Variants in NRDE2 observed in about 807,000 individuals in gnomAD.
NRDE2 encodes the protein NRDE-2, necessary for RNA interference, domain containing, also known as nuclear exosome regulator NRDE2.
NRDE2 carries 76 observed loss-of-function variants against 124.2 expected under a neutral mutation model. That is an observed-to-expected ratio of 0.61 (90% CI 0.51 to 0.74). The LOEUF is 0.74. Among genes scored for constraint, NRDE2 ranks in the 30% least tolerant of loss-of-function variants. NRDE2 has a pLI of 0.00. For synonymous variants in NRDE2, 489 were observed against 528.1 expected (o/e 0.93, Z 1.01); for missense variants, 1,314 against 1,417.3 (o/e 0.93, Z 1.17).
At chr14:90,303,860 G>T in intron 5 of NRDE2, 75 bp downstream of exon 5, 1 of 1,304,134 alleles carries the variant, frequency 7.7e-7, no homozygotes, top group Non-Finnish European at 1.1e-6. Context: ...CTCAAAAATT[G>T]CTGCACAGTC....
intron 4 of NRDE2, among the ~76,000 whole-genome samples, chr14:90,305,313 C>T (rs1303228421): frequency 1.3e-5 from 2 of 152,202 alleles, no homozygotes; most frequent in African/African-American, 2.4e-5. Context: ...GACTCTCATC[C>T]GCTGTCAGCG....
rs546086864 is a variant in NRDE2, at chr14:90,291,130, C to A, written c.1843-523G>T. Reference sequence around the variant, plus strand: ...AAACAGACTCAAGGTAAGAAGGAACCTACAGGAGCAATGGAGCACATTAAA... The same window carrying A: ...AAACAGACTCAAGGTAAGAAGGAACATACAGGAGCAATGGAGCACATTAAA... On this transcript the variant is annotated intron_variant, in intron 9 of 13. Coordinates refer to ENST00000354366, the MANE Select transcript of NRDE2 (RefSeq NM_017970.4). Among the ~76,000 whole-genome samples the A allele has an allele frequency of 1.6e-4, 24 of 152,102 alleles. No individual in the cohort carries two copies. The South Asian group carries it at 2.7e-3, about 17-fold the overall frequency.
rs565403582 is a variant in NRDE2, at chr14:90,270,097, G to A, written c.*8239C>T. 135 of 1,257,450 alleles carry A rather than the reference G, an allele frequency of 1.1e-4. No individual in the cohort carries two copies. The highest frequency in any genetic ancestry group is 5.5e-4 in the South Asian group (31 of 56,158). The allele number at this position is 1,257,450 out of a possible 1,614,324, so 77.9% of individuals were successfully genotyped here. A position where few individuals can be genotyped will look rare whatever the true frequency, so the allele number is the denominator to read the frequency against. On this transcript the variant is annotated 3_prime_UTR_variant, in exon 14 of 14. Coordinates refer to ENST00000354366, the MANE Select transcript of NRDE2 (RefSeq NM_017970.4). ...ACATCCTTCCCACAGAATTCTGTCC[G>A]ACTGAAACTTCGTATGTAAGGAGAT...
intron 3 of NRDE2, 27 bp from the exon 4 acceptor site, chr14:90,312,570 G>T: frequency 6.2e-7 from 1 of 1,611,740 alleles, no homozygotes; most frequent in Non-Finnish European, 8.5e-7. Flanking sequence ...GAAGAAGAAG[G>T]GAGAGGCACT....
At chr14:90,321,409 G>A (rs1885234530) in intron 1 of NRDE2, among the ~76,000 whole-genome samples, 1 of 151,590 alleles carries the variant, frequency 6.6e-6, no homozygotes, top group Admixed American at 6.6e-5. Context: ...GCACTACTGT[G>A]GGGGAAAAAA....
intron 3 of NRDE2, 48 bp from the exon 4 acceptor site, chr14:90,312,591 T>C: frequency 6.2e-7 from 1 of 1,603,760 alleles, no homozygotes; most frequent in Non-Finnish European, 8.5e-7. Context: ...TTAAAAAATC[T>C]TCCAGTGACG....
At chr14:90,278,737 T>G (rs1891870620) in intron 13 of NRDE2, 3 of 539,106 alleles carry the variant, frequency 5.6e-6, no homozygotes, top group Admixed American at 3.1e-5. Context: ...CACTTCTGAG[T>G]GTCACCTGAC....
Position 90,331,784 on chromosome 14 carries a change from C to G in NRDE2, c.64+57G>C, listed in dbSNP as rs147906461. 8.4e-4 allele frequency: 1,320 copies of G among 1,568,814 alleles called. 9 individuals carry two copies. The African/African-American group carries it at 0.015, about 18-fold the overall frequency. ...CAAAGCAAAAGTCTAGACCTGGGCCCGAGAAACAGCCTCTTAAGCCCCCCA... is the reference window on the plus strand; with the variant it reads ...CAAAGCAAAAGTCTAGACCTGGGCCGGAGAAACAGCCTCTTAAGCCCCCCA... On this transcript the variant is annotated intron_variant, in intron 1 of 13. Transcript: ENST00000354366.
chr14:90,300,752 C>G (rs1555360602), intron 7 of NRDE2, among the ~76,000 whole-genome samples: 1 of 139,140 alleles, frequency 7.2e-6, no homozygotes, highest in Non-Finnish European at 1.5e-5. Flanking sequence ...AAGACCCAAA[C>G]TAGAATGTGT....
intron 1 of NRDE2, 28 bp from the exon 2 acceptor site, chr14:90,318,141 A>G: frequency 1.3e-6 from 2 of 1,537,972 alleles, no homozygotes; most frequent in Admixed American, 3.5e-5. Context: ...GAAAAGATCA[A>G]TGAAATTAGT....
In NRDE2 at chr14:90,273,811, C is replaced by T. The variant is rs182168227; in HGVS notation, c.*4525G>A. ...GGCCTTTGCCAGTCTGTGAAGGCCACCCTCCCTCCTGACTCGTGGCACTTC... is the reference window on the plus strand; with the variant it reads ...GGCCTTTGCCAGTCTGTGAAGGCCATCCTCCCTCCTGACTCGTGGCACTTC... On this transcript the variant is annotated 3_prime_UTR_variant, in exon 14 of 14. Transcript: ENST00000354366. 3.6e-4 allele frequency: 56 copies of T among 154,778 alleles called. No homozygotes were observed. The highest frequency in any genetic ancestry group is 1.3e-3 in the African/African-American group (53 of 41,644). 9.6% of individuals were successfully genotyped at this position (154,778 alleles called of 1,614,324 possible). A position where few individuals can be genotyped will look rare whatever the true frequency, so the allele number is the denominator to read the frequency against.
At chr14:90,286,554 A>T in intron 11 of NRDE2, 62 bp from the exon 12 acceptor site, 1 of 1,568,630 alleles carries the variant, frequency 6.4e-7, no homozygotes, top group Non-Finnish European at 8.7e-7. Flanking sequence ...CACAGAAGGA[A>T]GAGATGCCTG....
In NRDE2 at chr14:90,292,683, C is replaced by A. The variant is rs371768667; in HGVS notation, c.1842+14G>T. ...CCCCTGGACAGCTTCCTGCCTGGGG[C>A]GGAGGATACATGCCTGTCTCTCGGG... On this transcript the variant is annotated intron_variant, in intron 9 of 13. Transcript: ENST00000354366. 164 of 1,606,092 alleles carry A rather than the reference C, an allele frequency of 1.0e-4. No homozygotes were observed. Among genetic ancestry groups the A allele is most frequent in the Non-Finnish European group, 1.3e-4 (152 of 1,173,624 alleles).
chr14:90,315,975 A>G (rs1285201807), intron 3 of NRDE2, among the ~76,000 whole-genome samples: 4 of 151,642 alleles, frequency 2.6e-5, no homozygotes, highest in East Asian at 1.9e-4. Flanking sequence ...AAAAAAAAAA[A>G]AAAAGAAAGA....
In NRDE2 at chr14:90,274,739, A is replaced by C. The variant is rs1351447086; in HGVS notation, c.*3597T>G. On this transcript the variant is annotated 3_prime_UTR_variant, in exon 14 of 14. Coordinates refer to ENST00000354366, the MANE Select transcript of NRDE2 (RefSeq NM_017970.4). The stretch of plus-strand genomic sequence containing the variant: ...CTCGGGACAATCTGAGCATCCTAAC[A>C]AACAGTTACTATTAATGGAATACAG... 6.6e-6 allele frequency: 1 copy of C among 151,638 alleles called. No homozygotes were observed. The highest frequency in any genetic ancestry group is 1.5e-5 in the Non-Finnish European group (1 of 68,104). The allele number at this position is 151,638 out of a possible 1,614,324, so 9.4% of individuals were successfully genotyped here. A position where few individuals can be genotyped will look rare whatever the true frequency, so the allele number is the denominator to read the frequency against.
chr14:90,324,166 AT>A (rs112256135), intron 1 of NRDE2, among the ~76,000 whole-genome samples: 43,920 of 151,984 alleles, frequency 0.29, 6,395 homozygotes, highest in South Asian at 0.34. Flanking sequence ...TGTTTGGGAA[AT>A]AGACAGTGAG....
chr14:90,274,838 A>ACACACACACACACACCCCC lies in NRDE2; in HGVS notation c.*3497_*3498insGGGGGTGTGTGTGTGTGTG. On this transcript the variant is annotated 3_prime_UTR_variant, in exon 14 of 14. Coordinates refer to ENST00000354366, the MANE Select transcript of NRDE2 (RefSeq NM_017970.4). ...CACACACACACACACACACACACAC[A>ACACACACACACACACCCCC]CCCCAATACATATGAATTGATCTGA... 1 of 67,220 alleles carries ACACACACACACACACCCCC rather than the reference A, an allele frequency of 1.5e-5. No individual in the cohort carries two copies. The highest frequency in any genetic ancestry group is 1.6e-4 in the Admixed American group (1 of 6,240). The allele number at this position is 67,220 out of a possible 1,614,324, so 4.2% of individuals were successfully genotyped here.
rs1435866806 is a variant in NRDE2, at chr14:90,298,226, C to T, written c.1666+34G>A. 4 of 1,601,640 alleles carry T rather than the reference C, an allele frequency of 2.5e-6. No individual in the cohort carries two copies. The African/African-American group carries it at 5.4e-5, about 22-fold the overall frequency. ...ATGTAAAAACAAATTCCAGAAGAAA[C>T]AGAAGTACACGTCTTCAATGAGAGG... On this transcript the variant is annotated intron_variant, in intron 8 of 13. Transcript: ENST00000354366.
chr14:90,325,280 T>C (rs1885382446), intron 1 of NRDE2, among the ~76,000 whole-genome samples: 1 of 152,170 alleles, frequency 6.6e-6, no homozygotes, highest in Admixed American at 6.5e-5. Flanking sequence ...TAATATACCA[T>C]CTTCCATTCC....
Sources: allele counts gnomAD v4.1 joint callset (sites outside exome capture counted in the v4.1 genomes callset), GRCh38; gene constraint gnomAD v4.1.1; transcripts MANE v1.5; gene names NCBI Gene and HGNC (gene_info 2026-07-23, HGNC 2026-07-21).